Variants in RAP1GDS1 observed in about 807,000 individuals in gnomAD.
RAP1GDS1 encodes RAP1, GTP-GDP dissociation stimulator 1.
A neutral mutation model predicts 71.1 loss-of-function variants in RAP1GDS1; 35 were observed. The ratio of observed to expected loss-of-function variants is 0.49; its 90% confidence interval spans 0.38 to 0.65. The LOEUF is 0.65. Ranked by LOEUF, RAP1GDS1 falls within the 30% of genes least tolerant of loss-of-function variation. The pLI is 0.00. For synonymous variants in RAP1GDS1, 229 were observed against 243.1 expected, an observed-to-expected ratio of 0.94 and a Z score of 0.54; for missense variants, 663 against 706.1, an observed-to-expected ratio of 0.94 and a Z score of 0.69.
chr4:98,326,955 A>G (rs903728860), intron 2 of RAP1GDS1, among the ~76,000 whole-genome samples: 3 of 152,212 alleles, frequency 2.0e-5, no homozygotes, highest in Admixed American at 6.5e-5. Flanking sequence ...AGTGCCACAC[A>G]CAGACGAGGA....
intron 11 of RAP1GDS1, 70 bp from the exon 12 acceptor site, chr4:98,421,185 A>G (rs1354748309): frequency 1.7e-5 from 25 of 1,430,482 alleles, no homozygotes; most frequent in Non-Finnish European, 2.3e-5. Flanking sequence ...CACACTCTCA[A>G]ATCTGTACGA....
rs1414831998 is a variant in RAP1GDS1, at chr4:98,308,296, AC to A, written c.112+14782del. ...CACACACATATATATACACACACAC[AC>A]TATATATATATATATATATATATAT... On this transcript the variant is annotated intron_variant, in intron 2 of 14. Transcript: ENST00000408927. Among the ~76,000 whole-genome samples the A allele has an allele frequency of 4.4e-4, 24 of 54,676 alleles. No individual in the cohort carries two copies. The South Asian group carries it at 0.012, about 27-fold the overall frequency. 35.9% of individuals were successfully genotyped at this position (54,676 alleles called of 152,430 possible).
At chr4:98,324,556 C>A (rs1255132668) in intron 2 of RAP1GDS1, among the ~76,000 whole-genome samples, 4 of 145,728 alleles carry the variant, frequency 2.7e-5, no homozygotes, top group East Asian at 2.0e-4. Context: ...CAGCATGGTA[C>A]TGGTACCAAA....
intron 1 of RAP1GDS1, among the ~76,000 whole-genome samples, chr4:98,285,878 TA>T (rs1312581799): frequency 3.5e-5 from 5 of 142,032 alleles, no homozygotes; most frequent in Non-Finnish European, 6.0e-5. Flanking sequence ...AAATTATAAA[TA>T]ATAAATAATT....
chr4:98,299,666 A>G (rs531639791), intron 2 of RAP1GDS1, among the ~76,000 whole-genome samples: 1 of 149,388 alleles, frequency 6.7e-6, no homozygotes, highest in South Asian at 2.1e-4. Context: ...ACAGAGTCTC[A>G]CTCTGTCGCC....
intron 6 of RAP1GDS1, 134 bp downstream of exon 6, chr4:98,392,214 C>T (rs1167408399): frequency 7.1e-6 from 6 of 849,794 alleles, no homozygotes; most frequent in Non-Finnish European, 1.0e-5. Flanking sequence ...TGAGATATTT[C>T]CATCAATATT....
intron 7 of RAP1GDS1, among the ~76,000 whole-genome samples, chr4:98,407,003 G>A (rs1746219384): frequency 6.6e-6 from 1 of 151,924 alleles, no homozygotes; most frequent in African/African-American, 2.4e-5. Context: ...GAAATTTTTT[G>A]CTCTAAATGC....
intron 2 of RAP1GDS1, among the ~76,000 whole-genome samples, chr4:98,297,607 G>A (rs1727968839): frequency 1.3e-5 from 2 of 152,058 alleles, no homozygotes; most frequent in African/African-American, 4.8e-5. Context: ...CATGTATGAT[G>A]GTAAACTTAA....
At position 98,442,402 on chromosome 4, in the gene RAP1GDS1, T is replaced by A. The variant is rs912872108; in HGVS notation, c.*285T>A. On this transcript the variant is annotated 3_prime_UTR_variant, in exon 15 of 15. Coordinates refer to ENST00000408927, the MANE Select transcript of RAP1GDS1 (RefSeq NM_001100427.2). Reference sequence around the variant, plus strand: ...TGCATGTTGTAGTCCTATGATGATGTAAACTTGGTACTACATAATGACTTG... The same window carrying A: ...TGCATGTTGTAGTCCTATGATGATGAAAACTTGGTACTACATAATGACTTG... 6.7e-6 allele frequency: 2 copies of A among 299,402 alleles called. No homozygotes were observed. Among genetic ancestry groups the A allele is most frequent in the Non-Finnish European group, 1.2e-5 (2 of 160,196 alleles). The allele number at this position is 299,402 out of a possible 1,614,324, so 18.5% of individuals were successfully genotyped here.
rs1721945632 is a variant in RAP1GDS1 at position 98,261,448 on chromosome 4, C to A, written c.-118C>A. On this transcript the variant is annotated 5_prime_UTR_variant, in exon 1 of 15. Coordinates refer to ENST00000408927, the MANE Select transcript of RAP1GDS1 (RefSeq NM_001100427.2). The stretch of plus-strand genomic sequence containing the variant: ...AGCTGCTCCTCCCCGGCGGCCGCCC[C>A]CCGCGGGTCCCTCCCTGGCTGCGGG... The A allele has an allele frequency of 9.0e-7, 1 of 1,107,172 alleles. No homozygotes were observed. The highest frequency in any genetic ancestry group is 3.4e-5 in the East Asian group (1 of 29,806). The allele number at this position is 1,107,172 out of a possible 1,614,324, so 68.6% of individuals were successfully genotyped here.
At chr4:98,263,783 T>G (rs1358375133) in intron 1 of RAP1GDS1, among the ~76,000 whole-genome samples, 4 of 152,186 alleles carry the variant, frequency 2.6e-5, no homozygotes, top group African/African-American at 9.7e-5. Flanking sequence ...GAACAAACAT[T>G]TGGGTTGGTA....
chr4:98,320,958 C>A (rs1393902985), intron 2 of RAP1GDS1, among the ~76,000 whole-genome samples: 1 of 119,086 alleles, frequency 8.4e-6, no homozygotes, highest in Non-Finnish European at 1.7e-5. Flanking sequence ...AGGCTTCAGA[C>A]GATCAAATTA....
intron 2 of RAP1GDS1, among the ~76,000 whole-genome samples, chr4:98,326,637 T>G (rs1733137425): frequency 6.6e-6 from 1 of 152,182 alleles, no homozygotes. Context: ...ATGCTTAAAT[T>G]CTTTCCCTCC....
chr4:98,440,727 T>C (rs1007293822), intron 14 of RAP1GDS1, among the ~76,000 whole-genome samples: 1 of 152,048 alleles, frequency 6.6e-6, no homozygotes, highest in Non-Finnish European at 1.5e-5. Context: ...AAGAGTTTTG[T>C]TTTTTTTGAG....
intron 12 of RAP1GDS1, among the ~76,000 whole-genome samples, chr4:98,433,620 A>G (rs1425847474): frequency 2.6e-5 from 4 of 152,076 alleles, no homozygotes; most frequent in East Asian, 1.9e-4. Flanking sequence ...TTGTTTGTCA[A>G]TCCTAAGGTA....
chr4:98,429,542 G>T (rs1039992023), intron 12 of RAP1GDS1, among the ~76,000 whole-genome samples: 1 of 152,098 alleles, frequency 6.6e-6, no homozygotes, highest in African/African-American at 2.4e-5. Flanking sequence ...CAAATATGGT[G>T]CAGTGTATAC....
intron 1 of RAP1GDS1, among the ~76,000 whole-genome samples, chr4:98,293,142 T>C (rs1727212325): frequency 1.3e-5 from 2 of 152,120 alleles, no homozygotes; most frequent in Admixed American, 6.6e-5. Flanking sequence ...TATAAGAATA[T>C]GGAAAAAAGA....
intron 2 of RAP1GDS1, chr4:98,297,059 G>T (rs1727889684): frequency 6.0e-6 from 1 of 165,544 alleles, no homozygotes. Flanking sequence ...CTTGCTTGAT[G>T]GCAATTCCCA....
At chr4:98,419,814 TA>T (rs1226330513) in intron 10 of RAP1GDS1, among the ~76,000 whole-genome samples, 1 of 152,210 alleles carries the variant, frequency 6.6e-6, no homozygotes, top group African/African-American at 2.4e-5. Context: ...TATTGTCTGT[TA>T]TCCGCTTATA....
Sources: gnomAD v4.1 joint callset for allele counts (sites outside exome capture counted in the v4.1 genomes callset) on GRCh38, gnomAD v4.1.1 for gene constraint, MANE v1.5 for transcripts, NCBI Gene and HGNC (gene_info 2026-07-23, HGNC 2026-07-21) for gene names.